Variants in CDK19 observed in about 807,000 individuals in gnomAD.
CDK19 encodes the protein cyclin dependent kinase 19, also known as cyclin-dependent kinase 19.
A neutral mutation model predicts 68.3 loss-of-function variants in CDK19; 20 were observed. The ratio of observed to expected loss-of-function variants is 0.29; its 90% CI spans 0.21 to 0.43. CDK19 has a LOEUF of 0.43. CDK19 is among the 20% of genes least tolerant of loss of function. The pLI, the probability that CDK19 is intolerant of heterozygous loss-of-function variation, is 1.00. For missense variants in CDK19, 339 were observed against 623.5 expected, an observed-to-expected ratio of 0.54 and a Z score of 4.86; for synonymous variants, 221 against 222.8, an observed-to-expected ratio of 0.99 and a Z score of 0.07.
At chr6:110,647,019 G>A (rs1328997317) in intron 4 of CDK19, among the ~76,000 whole-genome samples, 2 of 151,568 alleles carry the variant, frequency 1.3e-5, no homozygotes, top group Non-Finnish European at 2.9e-5. Flanking sequence ...CTATGCCCCA[G>A]GCCTTCGCGA....
chr6:110,715,295 C>T (rs538011126), intron 2 of CDK19, among the ~76,000 whole-genome samples: 4 of 152,268 alleles, frequency 2.6e-5, no homozygotes, highest in East Asian at 1.9e-4. Flanking sequence ...AAAAAGACAA[C>T]ATTATGCTAA....
intron 1 of CDK19, among the ~76,000 whole-genome samples, chr6:110,806,540 T>A (rs1416504075): frequency 6.6e-6 from 1 of 152,152 alleles, no homozygotes; most frequent in Non-Finnish European, 1.5e-5. Context: ...CTGTGCTTAC[T>A]AGGATATTCA....
intron 1 of CDK19, among the ~76,000 whole-genome samples, chr6:110,798,619 C>CT (rs1782116028): frequency 7.9e-6 from 1 of 126,410 alleles, no homozygotes; most frequent in Non-Finnish European, 1.6e-5. Flanking sequence ...GAGTGAGACT[C>CT]TGTCTCCAGA....
intron 1 of CDK19, among the ~76,000 whole-genome samples, chr6:110,791,584 G>C (rs1781597955): frequency 6.6e-6 from 1 of 152,106 alleles, no homozygotes; most frequent in African/African-American, 2.4e-5. Context: ...AAGAAGTGTA[G>C]AAAAACATAC....
At chr6:110,782,095 T>C (rs1218375332) in intron 1 of CDK19, among the ~76,000 whole-genome samples, 7 of 152,232 alleles carry the variant, frequency 4.6e-5, no homozygotes, top group African/African-American at 1.7e-4. Context: ...AAGGGCATGA[T>C]ATAATAGCTT....
At chr6:110,622,943 A>G (rs1308857670) in intron 9 of CDK19, 31 bp from the exon 10 acceptor site, 2 of 1,306,854 alleles carry the variant, frequency 1.5e-6, no homozygotes, top group East Asian at 2.3e-5. Context: ...TGTACAGCAC[A>G]TGAAAAGGTT....
intron 1 of CDK19, among the ~76,000 whole-genome samples, chr6:110,803,669 C>G (rs1455174425): frequency 6.6e-6 from 1 of 152,126 alleles, no homozygotes. Flanking sequence ...AATGCAATTA[C>G]AATAACTACA....
chr6:110,752,328 A>G (rs1011507227), intron 1 of CDK19, among the ~76,000 whole-genome samples: 2 of 152,238 alleles, frequency 1.3e-5, no homozygotes, highest in Admixed American at 6.5e-5. Flanking sequence ...TTATTTTGAA[A>G]CAAATCCCAG....
chr6:110,739,758 G>A (rs944278117), intron 2 of CDK19, among the ~76,000 whole-genome samples: 1 of 151,022 alleles, frequency 6.6e-6, no homozygotes, highest in African/African-American at 2.4e-5. Flanking sequence ...AGCCTCCCAG[G>A]TAGCTAGGAC....
At chr6:110,617,624 A>C (rs986854398) in intron 12 of CDK19, among the ~76,000 whole-genome samples, 3 of 148,278 alleles carry the variant, frequency 2.0e-5, no homozygotes, top group African/African-American at 7.5e-5. Context: ...TCTTTACTTA[A>C]AAAAATAATA....
intron 1 of CDK19, among the ~76,000 whole-genome samples, chr6:110,756,028 G>C (rs952376265): frequency 6.6e-6 from 1 of 152,186 alleles, no homozygotes; most frequent in Non-Finnish European, 1.5e-5. Flanking sequence ...GGGAGACCAA[G>C]GCAGGCAGAT....
chr6:110,699,316 A>C (rs544911911), intron 2 of CDK19, among the ~76,000 whole-genome samples: 24 of 151,060 alleles, frequency 1.6e-4, no homozygotes, highest in Non-Finnish European at 3.0e-4. Flanking sequence ...TCCTAGCTAC[A>C]TGGGAGGCCG....
At chr6:110,648,318 T>C (rs2691172) in intron 4 of CDK19, among the ~76,000 whole-genome samples, 1 of 152,014 alleles carries the variant, frequency 6.6e-6, no homozygotes, top group Admixed American at 6.5e-5. Flanking sequence ...TACAGACAAA[T>C]TGTTGGCAAT....
At chr6:110,632,605 C>G (rs542401232) in intron 5 of CDK19, among the ~76,000 whole-genome samples, 2 of 152,264 alleles carry the variant, frequency 1.3e-5, no homozygotes, top group East Asian at 3.9e-4. Flanking sequence ...GTGGTGCGCA[C>G]CTGTAGTCCC....
intron 4 of CDK19, among the ~76,000 whole-genome samples, chr6:110,639,201 G>A (rs1344605907): frequency 6.6e-6 from 1 of 151,970 alleles, no homozygotes; most frequent in Non-Finnish European, 1.5e-5. Flanking sequence ...TGCAAAAGTA[G>A]GAAATTCCAA....
At chr6:110,747,895 C>T (rs551384862) in intron 1 of CDK19, among the ~76,000 whole-genome samples, 2 of 152,340 alleles carry the variant, frequency 1.3e-5, no homozygotes, top group Non-Finnish European at 2.9e-5. Context: ...AAGTGTCCCT[C>T]CTGTGCCTTA....
In CDK19 at chr6:110,746,171, T is replaced by C; in HGVS notation, c.159A>G (p.Gln53=). The C allele has an allele frequency of 6.2e-7, 1 of 1,604,140 alleles. No individual in the cohort carries two copies. Among genetic ancestry groups the C allele is most frequent in the Middle Eastern group, 1.7e-4 (1 of 6,050 alleles). ...GKDEKEYALK[Q]IEGTGISMSA... ...ACATGGATATTCCTGTGCCTTCAAT[T>C]TGCTTCAATGCATATTCCTTTTCAT... Residue 53 remains glutamine, a synonymous_variant, in exon 2 of 13, where the codon CAA becomes CAG. Transcript: ENST00000368911.
chr6:110,623,343 T>C lies in CDK19; in HGVS notation c.880A>G (p.Ile294Val), dbSNP rs200880669. ...RRTTYANSSL[I>V]KYMEKHKVKP... ...ACCTTGTGTTTCTCCATGTACTTTA[T>C]GAGGCTACTGTTGGCATACCTGCAA... The change falls in exon 9 of 13, where the codon ATA becomes GTA. Residue 294 changes from isoleucine (I) to valine (V), a missense_variant. Physicochemically the swap from Ile to Val is conservative, Grantham distance 29 (BLOSUM62 3). Coordinates refer to ENST00000368911, the MANE Select transcript of CDK19 (RefSeq NM_015076.5). 9.2e-5 allele frequency: 148 copies of C among 1,613,794 alleles called. No individual in the cohort carries two copies. In the East Asian group the frequency reaches 3.2e-3, roughly 35 times the overall value.
intron 2 of CDK19, among the ~76,000 whole-genome samples, chr6:110,727,421 A>T (rs1181751260): frequency 6.6e-6 from 1 of 152,170 alleles, no homozygotes; most frequent in Non-Finnish European, 1.5e-5. Flanking sequence ...ACTCTTTCAG[A>T]ATGCCTTCAA....
Sources: allele counts gnomAD v4.1 joint callset (sites outside exome capture counted in the v4.1 genomes callset), GRCh38; gene constraint gnomAD v4.1.1; transcripts MANE v1.5; gene names NCBI Gene and HGNC (gene_info 2026-07-23, HGNC 2026-07-21).